Variants in PRKG1 observed in about 807,000 individuals in gnomAD.
The protein encoded by PRKG1 is cGMP-dependent protein kinase 1.
Under a neutral mutation model 88.1 loss-of-function variants are expected in PRKG1, and 35 were observed. The observed-to-expected ratio is 0.40, with a 90% CI of 0.30 to 0.53. The LOEUF (loss-of-function observed/expected upper bound fraction) is 0.53. Ranked by LOEUF, PRKG1 falls within the 20% of genes least tolerant of loss-of-function variation. The pLI is 0.59. For missense variants in PRKG1, 540 were observed against 839.8 expected, an observed-to-expected ratio of 0.64 and a Z score of 4.41; for synonymous variants, 303 against 292.5, an observed-to-expected ratio of 1.04 and a Z score of -0.37.
At chr10:52,108,825 CTTT>C (rs61504053) in intron 7 of PRKG1, among the ~76,000 whole-genome samples, 3 of 122,716 alleles carry the variant, frequency 2.4e-5, no homozygotes, top group Admixed American at 8.5e-5. Flanking sequence ...ACAAGTATTC[CTTT>C]TTTTTTTTTT....
At chr10:52,160,610 G>C (rs1838252273) in intron 8 of PRKG1, among the ~76,000 whole-genome samples, 1 of 151,888 alleles carries the variant, frequency 6.6e-6, no homozygotes, top group Admixed American at 6.6e-5. Flanking sequence ...CAAGAAGGAT[G>C]TCATGTTCCT....
At chr10:52,028,244 C>CT (rs1431034060) in intron 5 of PRKG1, among the ~76,000 whole-genome samples, 30 of 152,160 alleles carry the variant, frequency 2.0e-4, no homozygotes, top group Middle Eastern at 3.4e-3. Context: ...GTCCTATATG[C>CT]TTTTTAGTTT....
intron 3 of PRKG1, among the ~76,000 whole-genome samples, chr10:51,653,287 A>C (rs1404281813): frequency 1.3e-5 from 2 of 152,142 alleles, no homozygotes; most frequent in African/African-American, 4.8e-5. Context: ...CAATCTCCAC[A>C]GTGTTTTTGA....
intron 2 of PRKG1, among the ~76,000 whole-genome samples, chr10:51,454,796 T>C (rs1398992287): frequency 6.6e-6 from 1 of 152,110 alleles, no homozygotes; most frequent in Non-Finnish European, 1.5e-5. Context: ...TCCCACTGGG[T>C]CCCTCACATA....
chr10:51,485,109 A>T (rs1840491320), intron 3 of PRKG1, among the ~76,000 whole-genome samples: 1 of 152,170 alleles, frequency 6.6e-6, no homozygotes, highest in South Asian at 2.1e-4. Context: ...TTTGCTCAAC[A>T]TTTTAAATGA....
At chr10:51,538,659 C>A (rs527759317) in intron 3 of PRKG1, among the ~76,000 whole-genome samples, 89 of 149,744 alleles carry the variant, frequency 5.9e-4, no homozygotes, top group African/African-American at 2.1e-3. Context: ...CATTTGGAAA[C>A]CCTAACAATG....
chr10:51,804,834 G>A (rs1028244992), intron 4 of PRKG1, 144 bp downstream of exon 4: 25 of 590,496 alleles, frequency 4.2e-5, no homozygotes, highest in Middle Eastern at 3.8e-4. Flanking sequence ...GTAAGACTTC[G>A]AACATGCTTC....
At chr10:52,037,091 G>A (rs1254829134) in intron 5 of PRKG1, among the ~76,000 whole-genome samples, 1 of 152,268 alleles carries the variant, frequency 6.6e-6, no homozygotes, top group African/African-American at 2.4e-5. Flanking sequence ...AGAGTTCCAG[G>A]GGCTCTGGGA....
intron 1 of PRKG1, among the ~76,000 whole-genome samples, chr10:51,007,616 A>G (rs955395319): frequency 9.9e-5 from 15 of 152,220 alleles, no homozygotes; most frequent in Non-Finnish European, 1.8e-4. Flanking sequence ...TATCTTAGTC[A>G]TGTTGCTTAA....
intron 5 of PRKG1, among the ~76,000 whole-genome samples, chr10:52,035,588 CAG>C (rs1028494378): frequency 2.0e-5 from 3 of 151,926 alleles, no homozygotes; most frequent in African/African-American, 7.3e-5. Context: ...TCAGATGGAT[CAG>C]AGAGATACAG....
intron 5 of PRKG1, among the ~76,000 whole-genome samples, chr10:51,919,452 T>C (rs955385006): frequency 6.6e-6 from 1 of 152,124 alleles, no homozygotes; most frequent in African/African-American, 2.4e-5. Flanking sequence ...TTTTTATTAC[T>C]TACACCTAAA....
chr10:51,749,029 T>C (rs1837650986), intron 3 of PRKG1, among the ~76,000 whole-genome samples: 1 of 152,220 alleles, frequency 6.6e-6, no homozygotes, highest in Non-Finnish European at 1.5e-5. Flanking sequence ...ACTGTGGCTA[T>C]TTCAAATAAG....
chr10:51,379,740 A>G (rs532929096), intron 2 of PRKG1, among the ~76,000 whole-genome samples: 1 of 152,346 alleles, frequency 6.6e-6, no homozygotes, highest in African/African-American at 2.4e-5. Flanking sequence ...GAGTTGAGAG[A>G]GTAAGGCTGT....
At chr10:51,581,368 G>A (rs181537897) in intron 3 of PRKG1, among the ~76,000 whole-genome samples, 164 of 152,194 alleles carry the variant, frequency 1.1e-3, no homozygotes, top group Middle Eastern at 3.4e-3. Context: ...CTAGACAACC[G>A]GTTATACCAG....
intron 3 of PRKG1, among the ~76,000 whole-genome samples, chr10:51,581,893 T>C (rs1028395787): frequency 8.6e-5 from 13 of 151,988 alleles, no homozygotes; most frequent in African/African-American, 2.9e-4. Flanking sequence ...ATACTCTACC[T>C]AGTTCATCTT....
intron 2 of PRKG1, among the ~76,000 whole-genome samples, chr10:51,432,018 T>A (rs1469132469): frequency 2.0e-5 from 3 of 152,166 alleles, no homozygotes; most frequent in Non-Finnish European, 4.4e-5. Context: ...GGTAAAACAC[T>A]CTTTACCAGT....
chr10:51,508,104 A>G (rs1841280941), intron 3 of PRKG1, among the ~76,000 whole-genome samples: 4 of 152,170 alleles, frequency 2.6e-5, no homozygotes. Flanking sequence ...CCTCATCTGT[A>G]AAATGCAGAT....
intron 1 of PRKG1, among the ~76,000 whole-genome samples, chr10:51,076,159 A>G (rs1404410995): frequency 6.6e-6 from 1 of 152,214 alleles, no homozygotes. Flanking sequence ...TTGAAAACTT[A>G]GAGTTATACC....
At chr10:52,102,590 C>CAAAAAAAAAAAAAAAAAAAAAAA (rs34379591) in intron 7 of PRKG1, among the ~76,000 whole-genome samples, 6 of 112,248 alleles carry the variant, frequency 5.3e-5, no homozygotes, top group African/African-American at 1.9e-4. Context: ...GTGGATATGG[C>CAAAAAAAAAAAAAAAAAAAAAAA]AAAAAAAAGA....
Sources: gnomAD v4.1 joint callset for allele counts (sites outside exome capture counted in the v4.1 genomes callset) on GRCh38, gnomAD v4.1.1 for gene constraint, MANE v1.5 for transcripts, NCBI Gene and HGNC (gene_info 2026-07-23, HGNC 2026-07-21) for gene names.